The following ARMCX4 variants were observed in gnomAD, a reference collection of about 807,000 sequenced individuals.
ARMCX4 encodes armadillo repeat-containing X-linked protein 4.
A neutral mutation model predicts 34.7 loss-of-function variants in ARMCX4; 3 were observed. The observed-to-expected ratio is 0.09, with a 90% confidence interval of 0.04 to 0.22. The LOEUF is 0.22. Among genes scored for constraint, ARMCX4 ranks in the 10% least tolerant of loss-of-function variants. The pLI, the probability that ARMCX4 is intolerant of heterozygous loss-of-function variation, is 1.00. For missense variants in ARMCX4, 1,448 were observed against 1,720.8 expected (o/e 0.84, Z 2.81); for synonymous variants, 513 against 632.8 (o/e 0.81, Z 2.84).
downstream of ARMCX4, among the ~76,000 whole-genome samples, chrX:101,452,590 C>T (rs1932047234): frequency 9.0e-6 from 1 of 110,926 alleles, no homozygotes; most frequent in Non-Finnish European, 1.9e-5. Flanking sequence ...GGGTTTCACT[C>T]TGTCGCCTAG....
intron 2 of ARMCX4, among the ~76,000 whole-genome samples, chrX:101,420,376 A>T (rs1929164327): frequency 9.0e-6 from 1 of 111,321 alleles, no homozygotes; most frequent in Non-Finnish European, 1.9e-5. Flanking sequence ...AACAAAAACA[A>T]AAAAAAGACC....
intron 2 of ARMCX4, among the ~76,000 whole-genome samples, chrX:101,426,428 A>AT (rs1929628421): frequency 9.0e-6 from 1 of 111,189 alleles, no homozygotes; most frequent in Non-Finnish European, 1.9e-5. Context: ...CAACCCCGTT[A>AT]TTTTTTCTGT....
intron 2 of ARMCX4, among the ~76,000 whole-genome samples, chrX:101,433,209 T>C (rs1386683762): frequency 2.7e-4 from 8 of 29,192 alleles, no homozygotes; most frequent in East Asian, 2.4e-3. Context: ...TATGTGCATA[T>C]ACGCACATAT....
intron 4 of ARMCX4, among the ~76,000 whole-genome samples, chrX:101,456,714 A>G (rs1603156813): frequency 9.0e-6 from 1 of 111,320 alleles, no homozygotes; most frequent in Admixed American, 9.6e-5. Flanking sequence ...CAGTGTTATT[A>G]TTATTCATCA....
Position 101,469,042 on chromosome X carries a change from C to G in ARMCX4, c.-472-16981C>G, listed in dbSNP as rs1280587193. ...AGTACTATCTATACTAAATACAGCC[C>G]TTCTGCAAAATCAGTAAGATAAAGG... On this transcript the variant is annotated intron_variant and NMD_transcript_variant, in intron 4 of 15. Transcript: ENST00000433011. Among the ~76,000 whole-genome samples, 18 of 111,916 alleles carry G rather than the reference C, an allele frequency of 1.6e-4. No homozygotes were observed. The Admixed American group carries it at 1.7e-3, about 11-fold the overall frequency.
rs782383144 is a variant in ARMCX4, at chrX:101,487,624, G to A, written c.-270G>A. ...TGTCCATAGATCTGCCTGCATGTCTGCTGCAGGGCTTAAGATCACTGGAAG... is the reference window on the plus strand; with the variant it reads ...TGTCCATAGATCTGCCTGCATGTCTACTGCAGGGCTTAAGATCACTGGAAG... On this transcript the variant is annotated 5_prime_UTR_variant, in exon 4 of 6. Transcript: ENST00000423738. 26 of 960,668 alleles carry A rather than the reference G, an allele frequency of 2.7e-5. No homozygotes were observed. The African/African-American group carries it at 4.8e-4, about 18-fold the overall frequency. The allele number at this position is 960,668 out of a possible 1,213,427, so 79.2% of individuals were successfully genotyped here.
chrX:101,428,831 C>T (rs191941284), intron 2 of ARMCX4, among the ~76,000 whole-genome samples: 331 of 108,183 alleles, frequency 3.1e-3, no homozygotes, highest in African/African-American at 9.6e-3. Context: ...GAATTAGATA[C>T]GTATCTTTGG....
chrX:101,435,452 G>C (rs1254515880), intron 2 of ARMCX4, among the ~76,000 whole-genome samples: 1 of 111,515 alleles, frequency 9.0e-6, no homozygotes, highest in African/African-American at 3.3e-5. Flanking sequence ...AGAAGTGTCT[G>C]TTCATATCCT....
chrX:101,502,981 T>C (rs1556014136), intron 7 of ARMCX4, among the ~76,000 whole-genome samples: 4 of 85,909 alleles, frequency 4.7e-5, no homozygotes, highest in Non-Finnish European at 8.7e-5. Context: ...TTCCCCTTCC[T>C]GTGTCCATGT....
rs1934061655 is a variant in ARMCX4, at chrX:101,493,464, G to A, written c.4875G>A (p.Gly1625=). The change falls in exon 6 of 6, where the codon GGG becomes GGA. Residue 1625 remains glycine (G), a synonymous_variant. Transcript: ENST00000423738. ...AGGTCCTTGGGGGAGCTAGGCCGGG[G>A]CCTGCAGACCAGTCCAGTGGTGGGT... ...GGQVLGGARP[G]PADQSSGGSW... 1.7e-6 allele frequency: 2 copies of A among 1,155,247 alleles called. No homozygotes were observed. The highest frequency in any genetic ancestry group is 3.6e-5 in the African/African-American group (2 of 56,084).
At chrX:101,524,828 C>T (rs1044693498) in intron 11 of ARMCX4, among the ~76,000 whole-genome samples, 17 of 111,888 alleles carry the variant, frequency 1.5e-4, no homozygotes, top group African/African-American at 5.2e-4. Flanking sequence ...CACAGCTCAA[C>T]GAGACCTGCC....
At chrX:101,502,112 C>T (rs140541966) in intron 7 of ARMCX4, among the ~76,000 whole-genome samples, 1,926 of 112,379 alleles carry the variant, frequency 0.017, 37 homozygotes, top group African/African-American at 0.059. Context: ...CTACTACATC[C>T]TGGTAGAGAT....
intron 4 of ARMCX4, among the ~76,000 whole-genome samples, chrX:101,464,410 T>G (rs782750889): frequency 1.8e-5 from 2 of 111,201 alleles, no homozygotes; most frequent in South Asian, 7.6e-4. Context: ...ATGTGTTCAT[T>G]GTAGAACATT....
chrX:101,483,056 C>T (rs565451745), upstream of ARMCX4, among the ~76,000 whole-genome samples: 2 of 107,892 alleles, frequency 1.9e-5, no homozygotes, highest in South Asian at 8.3e-4. Flanking sequence ...CCACTGCGCC[C>T]GGCTAATTTT....
intron 12 of ARMCX4, chrX:101,532,848 T>C (rs1935156529): frequency 9.0e-6 from 1 of 111,681 alleles, no homozygotes; most frequent in Non-Finnish European, 1.9e-5. Flanking sequence ...AGATAATTGT[T>C]ATAAATCAGG....
chrX:101,436,938 C>T (rs1374451606), intron 2 of ARMCX4, among the ~76,000 whole-genome samples: 6 of 111,525 alleles, frequency 5.4e-5, no homozygotes, highest in Admixed American at 2.9e-4. Flanking sequence ...TTTATATGCT[C>T]GATTACGTTT....
chrX:101,475,830 A>G (rs1261922399), intron 4 of ARMCX4, among the ~76,000 whole-genome samples: 2 of 111,363 alleles, frequency 1.8e-5, no homozygotes, highest in Non-Finnish European at 3.8e-5. Context: ...GTAGTTAACT[A>G]TAGCTTCAAA....
chrX:101,526,091 G>T (rs1016317703), intron 11 of ARMCX4, among the ~76,000 whole-genome samples: 4 of 111,465 alleles, frequency 3.6e-5, no homozygotes, highest in Non-Finnish European at 5.6e-5. Flanking sequence ...GAGAAAGGTC[G>T]GGTTACCCAC....
chrX:101,430,403 T>C (rs1929924031), intron 2 of ARMCX4, among the ~76,000 whole-genome samples: 1 of 112,444 alleles, frequency 8.9e-6, no homozygotes, highest in African/African-American at 3.2e-5. Context: ...AACTCTGAGG[T>C]AATAAACACT....
Sources: gnomAD v4.1 joint callset for allele counts (sites outside exome capture counted in the v4.1 genomes callset) on GRCh38, gnomAD v4.1.1 for gene constraint, MANE v1.5 for transcripts, NCBI Gene and HGNC (gene_info 2026-07-23, HGNC 2026-07-21) for gene names.